GP6: variants seen among roughly 807,000 people sequenced by gnomAD.
GP6 encodes the protein glycoprotein VI platelet, also known as platelet glycoprotein VI.
A neutral mutation model predicts 37.3 loss-of-function variants in GP6; 45 were observed. That is an observed-to-expected ratio of 1.21 (90% CI 0.95 to 1.55). GP6 has a LOEUF of 1.55. GP6 is among the 40% of genes most tolerant of loss of function. The pLI is 0.00. For synonymous variants in GP6, 340 were observed against 316.4 expected (o/e 1.07, Z -0.79); for missense variants, 813 against 760.2 (o/e 1.07, Z -0.82).
chr19:55,024,309 T>TGCACACACACGCACATGCACGCACAC lies in GP6; in HGVS notation c.664+908_664+909insGTGTGCGTGCATGTGCGTGTGTGTGC, dbSNP rs1357661954. Among the ~76,000 whole-genome samples, 13 of 130,056 alleles carry TGCACACACACGCACATGCACGCACAC rather than the reference T, an allele frequency of 1.0e-4. No individual in the cohort carries two copies. The East Asian group carries it at 2.5e-3, about 25-fold the overall frequency. 85.3% of individuals were successfully genotyped at this position (130,056 alleles called of 152,430 possible). On this transcript the variant is annotated intron_variant, in intron 5 of 7. Coordinates refer to ENST00000310373, the MANE Select transcript of GP6 (RefSeq NM_001083899.2). The stretch of plus-strand genomic sequence containing the variant: ...ACACATATGCACGCATGCACACACA[T>TGCACACACACGCACATGCACGCACAC]ATGCACGCACACACACATATGCACG...
Position 55,015,021 on chromosome 19 carries a change from C to A in GP6, c.924G>T (p.Glu308Asp), listed in dbSNP as rs1393029150. 1 of 1,611,988 alleles carries A rather than the reference C, an allele frequency of 6.2e-7. No homozygotes were observed. The highest frequency in any genetic ancestry group is 8.5e-7 in the Non-Finnish European group (1 of 1,179,312). Reference sequence around the variant, plus strand: ...GAGGGGCGGGAGGGGCGGAAGCGGCCTCTGCACAGCCCTGCCCCTGTGCCG... The same window carrying A: ...GAGGGGCGGGAGGGGCGGAAGCGGCATCTGCACAGCCCTGCCCCTGTGCCG... The change falls in exon 8 of 8, where the codon GAG becomes GAT. Residue 308 changes from glutamate to aspartate, a missense_variant. Coordinates refer to ENST00000310373, the MANE Select transcript of GP6 (RefSeq NM_001083899.2).
At chr19:55,021,906 T>TC (rs1367186951) in intron 5 of GP6, among the ~76,000 whole-genome samples, 1 of 152,110 alleles carries the variant, frequency 6.6e-6, no homozygotes, top group East Asian at 1.9e-4. Flanking sequence ...TAATGATTGG[T>TC]GATGTTGAGC....
At chr19:55,032,897 TC>T (rs1278740236) in intron 1 of GP6, 1 of 423,060 alleles carries the variant, frequency 2.4e-6, no homozygotes, top group Non-Finnish European at 4.3e-6. Flanking sequence ...GTGGACTCGT[TC>T]GTGTTAGACA....
At chr19:55,017,715 C>A (rs1328440329) in intron 6 of GP6, among the ~76,000 whole-genome samples, 8 of 152,078 alleles carry the variant, frequency 5.3e-5, no homozygotes, top group Admixed American at 3.9e-4. Flanking sequence ...GGAATTGGAA[C>A]TGCATCCTGA....
intron 3 of GP6, among the ~76,000 whole-genome samples, chr19:55,029,345 TATATATATATATATATATATATATATATA>T (rs1568628574): frequency 0.26 from 1,215 of 4,764 alleles, 24 homozygotes; most frequent in East Asian, 0.4. Context: ...TATATATATA[TATATATATATATATATATATATATATATA>T]TTTTTTTTTT....
intron 6 of GP6, among the ~76,000 whole-genome samples, chr19:55,016,470 G>C (rs2146707924): frequency 6.6e-6 from 1 of 151,256 alleles, no homozygotes. Context: ...CCGCCTCCTG[G>C]GCTCAAGCGA....
chr19:55,031,301 T>C (rs532159521), intron 3 of GP6, among the ~76,000 whole-genome samples: 16 of 152,298 alleles, frequency 1.1e-4, no homozygotes, highest in Non-Finnish European at 2.2e-4. Context: ...CCAAGCACGG[T>C]GGCCCGTGAC....
At chr19:55,018,806 C>T (rs914776493) in intron 5 of GP6, 95 bp from the exon 6 acceptor site, 4 of 854,656 alleles carry the variant, frequency 4.7e-6, no homozygotes, top group African/African-American at 1.7e-5. Flanking sequence ...CTCCCTGAAA[C>T]CCCTTTCTCT....
chr19:55,019,970 G>A (rs936607967), intron 5 of GP6, among the ~76,000 whole-genome samples: 6 of 152,090 alleles, frequency 3.9e-5, no homozygotes, highest in South Asian at 2.1e-4. Flanking sequence ...GAGCCACCGC[G>A]CCCGGCCAGG....
At chr19:55,032,975 T>TAGACGCGGTGGGTTCGTTC (rs1568641263) in intron 1 of GP6, 9 of 68,430 alleles carry the variant, frequency 1.3e-4, no homozygotes, top group East Asian at 6.0e-4. Flanking sequence ...TCGTTCGTGT[T>TAGACGCGGTGGGTTCGTTC]GTGTTAGACA....
intron 5 of GP6, among the ~76,000 whole-genome samples, chr19:55,020,444 G>C (rs2074037981): frequency 6.6e-6 from 1 of 151,934 alleles, no homozygotes; most frequent in Non-Finnish European, 1.5e-5. Flanking sequence ...TTGTTCAGCT[G>C]CCACTTACAA....
In GP6 at chr19:55,027,603, G is replaced by A. The variant is rs768628583; in HGVS notation, c.585C>T (p.Ser195=). ...CTGTGACCACAAGCTCCAGGGGGTC[G>A]CTGGGGGCTGACCACAGGTATGGGT... is the stretch of plus-strand genomic sequence containing the variant. The change falls in exon 4 of 8, where the codon AGC becomes AGT. Residue 195 remains serine, a synonymous_variant. Coordinates refer to ENST00000310373, the MANE Select transcript of GP6 (RefSeq NM_001083899.2). The A allele has an allele frequency of 2.1e-5, 34 of 1,613,040 alleles. No individual in the cohort carries two copies. The highest frequency in any genetic ancestry group is 4.5e-5 in the East Asian group (2 of 44,878).
Position 55,014,473 on chromosome 19 carries a change from TGA to T in GP6, c.1470_1471del (p.His491ProfsTer32), listed in dbSNP as rs1310767319. On this transcript the variant is annotated frameshift_variant, in exon 8 of 8. Coordinates refer to ENST00000310373, the MANE Select transcript of GP6 (RefSeq NM_001083899.2). LOFTEE classifies it low-confidence loss of function (END_TRUNC). ...ACCGCAGTGGGAGATGGAGTGAGGG[TGA>T]GAGTTTCTGGGGAAAACCAGACAAG... 1 of 1,613,676 alleles carries T rather than the reference TGA, an allele frequency of 6.2e-7. No homozygotes were observed. Among genetic ancestry groups the T allele is most frequent in the East Asian group, 2.2e-5 (1 of 44,872 alleles).
intron 6 of GP6, among the ~76,000 whole-genome samples, chr19:55,017,547 G>T (rs2073922215): frequency 2.0e-5 from 3 of 152,104 alleles, no homozygotes; most frequent in Non-Finnish European, 2.9e-5. Flanking sequence ...AGAGTGAGTG[G>T]GTTGGGTGCA....
intron 1 of GP6, among the ~76,000 whole-genome samples, chr19:55,035,730 A>G (rs906022116): frequency 6.6e-6 from 1 of 152,000 alleles, no homozygotes; most frequent in African/African-American, 2.4e-5. Flanking sequence ...AAATAAAAAT[A>G]AATAAAAATA....
intron 5 of GP6, among the ~76,000 whole-genome samples, chr19:55,019,863 A>G (rs1343112157): frequency 6.6e-6 from 1 of 151,660 alleles, no homozygotes; most frequent in Admixed American, 6.6e-5. Context: ...TATTTTCAGT[A>G]GAGATGGGGT....
chr19:55,024,280 A>ACACACATGCACGCACG (rs1555798746), intron 5 of GP6, among the ~76,000 whole-genome samples: 16 of 30,316 alleles, frequency 5.3e-4, no homozygotes, highest in East Asian at 2.6e-3. Context: ...ACGCATGCAC[A>ACACACATGCACGCACG]CACACACATA....
intron 1 of GP6, among the ~76,000 whole-genome samples, chr19:55,037,207 C>T (rs2074863575): frequency 6.6e-6 from 1 of 152,076 alleles, no homozygotes; most frequent in Admixed American, 6.6e-5. Context: ...ACATGCCCAG[C>T]ACAAGTGAAG....
At chr19:55,026,861 G>C (rs2074324220) in intron 4 of GP6, among the ~76,000 whole-genome samples, 1 of 151,656 alleles carries the variant, frequency 6.6e-6, no homozygotes, top group Admixed American at 6.6e-5. Flanking sequence ...ACTCCAGCCT[G>C]GGTGACAGAG....
Sources: gnomAD v4.1 joint callset for allele counts (sites outside exome capture counted in the v4.1 genomes callset) on GRCh38, gnomAD v4.1.1 for gene constraint, MANE v1.5 for transcripts, NCBI Gene and HGNC (gene_info 2026-07-23, HGNC 2026-07-21) for gene names.